Variants in TMEM268 observed in about 807,000 individuals in gnomAD.
TMEM268 encodes transmembrane protein 268.
A neutral mutation model predicts 39.1 loss-of-function variants in TMEM268; 24 were observed. The ratio of observed to expected loss-of-function variants is 0.61; its 90% CI spans 0.44 to 0.86. The LOEUF (loss-of-function observed/expected upper bound fraction) is 0.86, where lower values mean the gene tolerates loss of function less well. Ranked by LOEUF, TMEM268 falls within the 40% of genes least tolerant of loss-of-function variation. The pLI, the probability that TMEM268 is intolerant of heterozygous loss-of-function variation, is 0.00. For missense variants in TMEM268, 409 were observed against 428.6 expected (o/e 0.95, Z 0.40); for synonymous variants, 176 against 173.5 (o/e 1.01, Z -0.12).
intron 8 of TMEM268, among the ~76,000 whole-genome samples, chr9:114,639,465 A>G (rs1019506901): frequency 6.6e-6 from 1 of 151,924 alleles, no homozygotes; most frequent in African/African-American, 2.4e-5. Flanking sequence ...TGCCATCCAC[A>G]CTGTCTCTTG....
At chr9:114,638,779 A>C in intron 8 of TMEM268, 53 bp downstream of exon 8, 1 of 1,409,540 alleles carries the variant, frequency 7.1e-7, no homozygotes, top group Non-Finnish European at 9.4e-7. Flanking sequence ...GAATTTGCAT[A>C]GAGAAAGCCT....
chr9:114,627,716 T>C (rs563261538), intron 4 of TMEM268, among the ~76,000 whole-genome samples: 2 of 152,318 alleles, frequency 1.3e-5, no homozygotes, highest in East Asian at 3.9e-4. Context: ...ATAGGTGTTA[T>C]TATCCCCATT....
At chr9:114,609,853 A>AG (rs1845431886), upstream of TMEM268, among the ~76,000 whole-genome samples, 1 of 40,090 alleles carries the variant, frequency 2.5e-5, no homozygotes, top group Admixed American at 3.2e-4. Flanking sequence ...AGAAAGAAAG[A>AG]AAGAGAAAGA....
chr9:114,629,956 G>A (rs1026864033), intron 5 of TMEM268, among the ~76,000 whole-genome samples: 36 of 152,138 alleles, frequency 2.4e-4, no homozygotes, highest in Admixed American at 2.2e-3. Context: ...AAAACAAATC[G>A]AGCTGGCTAC....
chr9:114,636,755 C>T (rs1846655658), intron 6 of TMEM268, among the ~76,000 whole-genome samples: 1 of 152,198 alleles, frequency 6.6e-6, no homozygotes, highest in African/African-American at 2.4e-5. Context: ...CCTGCCTCGG[C>T]CTCCCACAGT....
intron 2 of TMEM268, among the ~76,000 whole-genome samples, chr9:114,619,989 G>A (rs1048989056): frequency 4.0e-5 from 6 of 151,856 alleles, no homozygotes; most frequent in South Asian, 2.1e-4. Flanking sequence ...TGGGTGGATC[G>A]GATCACCTGA....
Position 114,613,745 on chromosome 9 carries a change from T to TTTTTG in TMEM268, c.-79+2203_-79+2207dup, listed in dbSNP as rs373600962. On this transcript the variant is annotated intron_variant, in intron 1 of 8. Transcript: ENST00000288502. ...AATGCAGTCTCCCTTGACTCACTCT[T>TTTTTG]TTTTGTTTTGTTTTGTTTTGTTTTG... Among the ~76,000 whole-genome samples the TTTTTG allele has an allele frequency of 2.6e-4, 39 of 152,242 alleles. 1 individual carries two copies. Among genetic ancestry groups the TTTTTG allele is most frequent in the East Asian group, 5.8e-4 (3 of 5,180 alleles).
At chr9:114,640,614 C>G (rs1846862541) in intron 8 of TMEM268, among the ~76,000 whole-genome samples, 1 of 152,194 alleles carries the variant, frequency 6.6e-6, no homozygotes, top group African/African-American at 2.4e-5. Flanking sequence ...TCTAAGTAGG[C>G]CAGTGTTCTT....
chr9:114,604,226 G>C, the TMEM268 span, among the ~76,000 whole-genome samples: 1 of 151,912 alleles, frequency 6.6e-6, no homozygotes. Context: ...CCAAATTGTA[G>C]AGTGATGCTC....
In TMEM268 at chr9:114,611,431, GGCGGCGCAGC is replaced by G. The variant is rs1192832469; in HGVS notation, c.-204_-195del. ...GCCGGGCGGGGGGCGGGCCCGTGAAGGCGGCGCAGCGCGGCGCGGGAGGCGTGCTGGGCGC... is the reference window on the plus strand; with the variant it reads ...GCCGGGCGGGGGGCGGGCCCGTGAAGGCGGCGCGGGAGGCGTGCTGGGCGC... On this transcript the variant is annotated 5_prime_UTR_variant, in exon 1 of 9. Transcript: ENST00000288502. 2 of 151,206 alleles carry G rather than the reference GGCGGCGCAGC, an allele frequency of 1.3e-5. No homozygotes were observed. The highest frequency in any genetic ancestry group is 3.0e-5 in the Non-Finnish European group (2 of 67,606). The allele number at this position is 151,206 out of a possible 1,614,324, so 9.4% of individuals were successfully genotyped here.
intron 5 of TMEM268, 64 bp from the exon 6 acceptor site, chr9:114,633,704 C>T (rs2133685491): frequency 5.9e-6 from 5 of 843,154 alleles, no homozygotes; most frequent in East Asian, 5.4e-5. Flanking sequence ...TTTCTACTGC[C>T]CAGAGCCTGG....
At chr9:114,604,883 AG>A in the TMEM268 span, among the ~76,000 whole-genome samples, 2 of 152,234 alleles carry the variant, frequency 1.3e-5, no homozygotes, top group Non-Finnish European at 2.9e-5. Flanking sequence ...AGAGGCTTAC[AG>A]AATGTTCAAT....
upstream of TMEM268, among the ~76,000 whole-genome samples, chr9:114,609,700 AG>A (rs1845417703): frequency 7.4e-6 from 1 of 134,986 alleles, no homozygotes; most frequent in African/African-American, 3.0e-5. Flanking sequence ...AAAAAGAAAA[AG>A]AAAAAGAAAA....
chr9:114,642,621 TTATATTTTTAAAA>T lies in TMEM268; in HGVS notation c.850-501_850-489del, dbSNP rs1456340732. 8.2e-4 allele frequency among the ~76,000 whole-genome samples: 124 copies of T among 151,938 alleles called. 1 individual carries two copies. Among genetic ancestry groups the T allele is most frequent in the Non-Finnish European group, 1.5e-4 (10 of 67,976 alleles). Reference sequence around the variant, plus strand: ...GTGGCTGGCTAGGTTTACTTTCTTTTTATATTTTTAAAATATATTTTTAATTTTAATTTTATTT... The same window carrying T: ...GTGGCTGGCTAGGTTTACTTTCTTTTTATATTTTTAATTTTAATTTTATTT... On this transcript the variant is annotated intron_variant, in intron 8 of 8. Coordinates refer to ENST00000288502, the MANE Select transcript of TMEM268 (RefSeq NM_153045.4).
intron 3 of TMEM268, 147 bp downstream of exon 3, chr9:114,624,606 C>A: frequency 1.5e-6 from 2 of 1,296,522 alleles, no homozygotes; most frequent in Non-Finnish European, 2.0e-6. Flanking sequence ...TAGAAGTGCC[C>A]TCTCTTTCCT....
chr9:114,605,845 C>T, the TMEM268 span, among the ~76,000 whole-genome samples: 38 of 151,910 alleles, frequency 2.5e-4, no homozygotes, highest in Admixed American at 5.3e-4. Context: ...GCAGGAGGAT[C>T]GCTTGAACCT....
intron 5 of TMEM268, among the ~76,000 whole-genome samples, chr9:114,633,165 T>A (rs1246998833): frequency 1.3e-5 from 2 of 150,316 alleles, no homozygotes; most frequent in East Asian, 1.9e-4. Flanking sequence ...CTAGTTAATT[T>A]TTTTTTTTTT....
chr9:114,604,311 C>G, the TMEM268 span, among the ~76,000 whole-genome samples: 1 of 152,070 alleles, frequency 6.6e-6, no homozygotes, highest in African/African-American at 2.4e-5. Context: ...TAAAATATGG[C>G]TCACACCTGT....
Position 114,634,044 on chromosome 9 carries a change from C to A in TMEM268, c.585+166C>A, listed in dbSNP as rs77244173. 4.6e-4 allele frequency among the ~76,000 whole-genome samples: 70 copies of A among 152,346 alleles called. 1 individual carries two copies. The East Asian group carries it at 0.013, about 29-fold the overall frequency. On this transcript the variant is annotated intron_variant, in intron 6 of 8. Coordinates refer to ENST00000288502, the MANE Select transcript of TMEM268 (RefSeq NM_153045.4). ...CCTCCCTGCCCTGGTGTTTCTTCCT[C>A]AAGACACCTTCTCTGTGCAGTAACC...
Sources: allele counts gnomAD v4.1 joint callset (sites outside exome capture counted in the v4.1 genomes callset), GRCh38; gene constraint gnomAD v4.1.1; transcripts MANE v1.5; gene names NCBI Gene and HGNC (gene_info 2026-07-23, HGNC 2026-07-21).